Variants in RNF13 observed in about 807,000 individuals in gnomAD.
RNF13 encodes ring finger protein 13, also known as E3 ubiquitin-protein ligase RNF13.
A neutral mutation model predicts 37.7 loss-of-function variants in RNF13; 19 were observed. The observed-to-expected ratio is 0.50, with a 90% CI of 0.35 to 0.74. The LOEUF is 0.74. RNF13 is among the 30% of genes least tolerant of loss of function. The pLI is 0.01. For synonymous variants in RNF13, 144 were observed against 157.8 expected, an observed-to-expected ratio of 0.91 and a Z score of 0.65; for missense variants, 375 against 453.0, an observed-to-expected ratio of 0.83 and a Z score of 1.56.
intron 7 of RNF13, among the ~76,000 whole-genome samples, chr3:149,918,988 A>G (rs1717838941): frequency 6.6e-6 from 1 of 152,146 alleles, no homozygotes; most frequent in African/African-American, 2.4e-5. Context: ...TATTGTGATC[A>G]CACATGTATT....
intron 8 of RNF13, among the ~76,000 whole-genome samples, chr3:149,954,573 A>C (rs1402909986): frequency 1.3e-5 from 2 of 152,238 alleles, no homozygotes; most frequent in Non-Finnish European, 2.9e-5. Context: ...CATAGCTTGT[A>C]ATACAATTCA....
chr3:149,921,988 T>G (rs577427709), intron 8 of RNF13, among the ~76,000 whole-genome samples: 18 of 152,190 alleles, frequency 1.2e-4, no homozygotes, highest in African/African-American at 4.3e-4. Flanking sequence ...TTTTTTTTTC[T>G]TTTGAGACGG....
At chr3:149,885,479 C>G (rs2108471038) in intron 4 of RNF13, among the ~76,000 whole-genome samples, 1 of 152,210 alleles carries the variant, frequency 6.6e-6, no homozygotes, top group Middle Eastern at 3.4e-3. Context: ...ATCTGATGAT[C>G]AGTGATGTTG....
chr3:149,866,796 A>C (rs1030964744), intron 3 of RNF13, among the ~76,000 whole-genome samples: 1 of 151,978 alleles, frequency 6.6e-6, no homozygotes, highest in African/African-American at 2.4e-5. Flanking sequence ...TTATTCACCC[A>C]TTGGTTATTC....
chr3:149,863,870 AT>A (rs1724527693), intron 3 of RNF13, among the ~76,000 whole-genome samples: 1 of 152,198 alleles, frequency 6.6e-6, no homozygotes, highest in Non-Finnish European at 1.5e-5. Flanking sequence ...ATGCATAAAT[AT>A]TCTTTACTGG....
At chr3:149,921,919 G>A (rs1211257793) in intron 8 of RNF13, among the ~76,000 whole-genome samples, 1 of 152,102 alleles carries the variant, frequency 6.6e-6, no homozygotes, top group East Asian at 1.9e-4. Context: ...CCCACCAACA[G>A]TGTAAAAGTG....
chr3:149,822,744 G>A lies in RNF13; in HGVS notation c.-17+9391G>A, dbSNP rs144886162. The stretch of plus-strand genomic sequence containing the variant: ...TCATTTTCTTTAGGTTTGGAGAGAA[G>A]TGTCAATACGTAATTCATTTTCAAA... On this transcript the variant is annotated intron_variant, in intron 1 of 9. Coordinates refer to ENST00000392894, the MANE Select transcript of RNF13 (RefSeq NM_183381.3). Among the ~76,000 whole-genome samples, 492 of 152,210 alleles carry A rather than the reference G, an allele frequency of 3.2e-3. 5 individuals carry two copies. The highest frequency in any genetic ancestry group is 0.014 in the Middle Eastern group (4 of 294).
At chr3:149,912,338 C>T (rs542819903) in intron 7 of RNF13, among the ~76,000 whole-genome samples, 3 of 152,184 alleles carry the variant, frequency 2.0e-5, no homozygotes, top group South Asian at 4.2e-4. Context: ...TGGGGGATGA[C>T]AGTCGTGTTC....
chr3:149,913,210 A>G (rs528493673), intron 7 of RNF13, among the ~76,000 whole-genome samples: 5 of 152,048 alleles, frequency 3.3e-5, no homozygotes, highest in Non-Finnish European at 5.9e-5. Context: ...TTTCCTATAA[A>G]TGTTTTGCAT....
chr3:149,836,257 A>T (rs1721611916), intron 1 of RNF13, among the ~76,000 whole-genome samples: 1 of 152,088 alleles, frequency 6.6e-6, no homozygotes, highest in Non-Finnish European at 1.5e-5. Flanking sequence ...GTGGCAAAAA[A>T]CCAAGCAACC....
At chr3:149,857,590 C>G (rs1723775896) in intron 3 of RNF13, among the ~76,000 whole-genome samples, 1 of 152,024 alleles carries the variant, frequency 6.6e-6, no homozygotes, top group Non-Finnish European at 1.5e-5. Context: ...TATGTTTTGG[C>G]AAAATTCAGA....
intron 8 of RNF13, among the ~76,000 whole-genome samples, chr3:149,940,914 T>A (rs1329877187): frequency 2.0e-5 from 3 of 152,218 alleles, no homozygotes; most frequent in Non-Finnish European, 4.4e-5. Flanking sequence ...ATTTGACTAC[T>A]TTAGATACTT....
chr3:149,926,718 C>T (rs1372840639), intron 8 of RNF13, among the ~76,000 whole-genome samples: 1 of 152,106 alleles, frequency 6.6e-6, no homozygotes, highest in Non-Finnish European at 1.5e-5. Context: ...TGAAAATACA[C>T]TGTTCTGCAG....
intron 2 of RNF13, among the ~76,000 whole-genome samples, chr3:149,849,943 A>G (rs1200787423): frequency 6.6e-6 from 1 of 152,110 alleles, no homozygotes; most frequent in Non-Finnish European, 1.5e-5. Context: ...AATCACTAAG[A>G]ATGGGATTCT....
At chr3:149,944,096 A>T (rs370711038) in intron 8 of RNF13, among the ~76,000 whole-genome samples, 4,037 of 152,212 alleles carry the variant, frequency 0.027, 69 homozygotes, top group South Asian at 0.037. Flanking sequence ...TTTGCTGAGA[A>T]TGATGGTTTC....
At chr3:149,876,980 A>G (rs1444473973) in intron 4 of RNF13, among the ~76,000 whole-genome samples, 1 of 151,760 alleles carries the variant, frequency 6.6e-6, no homozygotes, top group Non-Finnish European at 1.5e-5. Flanking sequence ...GTATTTCATC[A>G]TGTTGGCCAG....
intron 4 of RNF13, among the ~76,000 whole-genome samples, chr3:149,882,569 G>A (rs1049293137): frequency 3.9e-5 from 6 of 152,086 alleles, no homozygotes; most frequent in African/African-American, 1.2e-4. Context: ...AGTAATTAAT[G>A]TTTATACCAA....
At chr3:149,889,166 T>C (rs150455734) in intron 4 of RNF13, among the ~76,000 whole-genome samples, 3 of 151,734 alleles carry the variant, frequency 2.0e-5, no homozygotes, top group Non-Finnish European at 4.4e-5. Context: ...CTTTATCTCT[T>C]GACCTCATGA....
chr3:149,928,767 A>T (rs1224766917), intron 8 of RNF13, among the ~76,000 whole-genome samples: 1 of 152,212 alleles, frequency 6.6e-6, no homozygotes. Context: ...TGCTTTGGGT[A>T]GTCTTGACAT....
Sources: allele counts gnomAD v4.1 joint callset (sites outside exome capture counted in the v4.1 genomes callset), GRCh38; gene constraint gnomAD v4.1.1; transcripts MANE v1.5; gene names NCBI Gene and HGNC (gene_info 2026-07-23, HGNC 2026-07-21).